ACY1: variants seen among roughly 807,000 people sequenced by gnomAD.
ACY1 encodes aminoacylase 1, also known as aminoacylase-1.
ACY1 carries 38 observed loss-of-function variants against 53.3 expected under a neutral mutation model. The ratio of observed to expected loss-of-function variants is 0.71; its 90% CI spans 0.55 to 0.93. The LOEUF (loss-of-function observed/expected upper bound fraction) is 0.93, where lower values mean the gene tolerates loss of function less well. Among genes scored for constraint, ACY1 ranks in the 40% least tolerant of loss-of-function variants. The probability of loss-of-function intolerance (pLI) is 0.00; values close to 1 mark genes in which losing one functional copy is unlikely to be tolerated. For missense variants in ACY1, 484 were observed against 540.9 expected (o/e 0.89, Z 1.04); for synonymous variants, 177 against 202.1 (o/e 0.88, Z 1.05).
intron 12 of ACY1, chr3:51,988,065 C>G (rs1701135330): frequency 3.2e-6 from 1 of 312,714 alleles, no homozygotes; most frequent in Admixed American, 4.7e-5. Context: ...AGTGTTTCAC[C>G]ATGTTGGCCA....
Position 51,984,114 on chromosome 3 carries a change from G to A in ACY1, c.50G>A (p.Arg17His), listed in dbSNP as rs1048430125. ...EEEHPSVTLF[R>H]QYLRIRTVQP... The stretch of plus-strand genomic sequence containing the variant: ...GAGCACCCATCGGTGACGCTCTTCC[G>A]CCAGTACCTGCGTATCCGCACTGTC... The change falls in exon 2 of 15, where the codon CGC becomes CAC. Residue 17 changes from arginine to histidine, a missense_variant. Coordinates refer to ENST00000636358, the MANE Select transcript of ACY1 (RefSeq NM_000666.3). 51 of 1,613,738 alleles carry A rather than the reference G, an allele frequency of 3.2e-5. No homozygotes were observed. The highest frequency in any genetic ancestry group is 8.0e-5 in the African/African-American group (6 of 74,920).
rs1297650252 is a variant in ACY1, at chr3:51,988,308, A to G, written c.922-216A>G. ...ACTTGGGCTAGGATCTGAAGGATGGACAGGAGGTAAGTAGACGGAGGGTGG... is the reference window on the plus strand; with the variant it reads ...ACTTGGGCTAGGATCTGAAGGATGGGCAGGAGGTAAGTAGACGGAGGGTGG... On this transcript the variant is annotated intron_variant, in intron 12 of 14. Transcript: ENST00000636358. 4 of 631,088 alleles carry G rather than the reference A, an allele frequency of 6.3e-6. No individual in the cohort carries two copies. The Admixed American group carries it at 6.8e-5, about 11-fold the overall frequency. 39.1% of individuals were successfully genotyped at this position (631,088 alleles called of 1,614,324 possible). A position where few individuals can be genotyped will look rare whatever the true frequency, so the allele number is the denominator to read the frequency against.
chr3:51,988,574 GGCAGCTTTTA>G lies in ACY1; in HGVS notation c.975_984del (p.Ala326GlyfsTer6). The G allele has an allele frequency of 6.2e-7, 1 of 1,614,130 alleles. No individual in the cohort carries two copies. Among genetic ancestry groups the G allele is most frequent in the Non-Finnish European group, 8.5e-7 (1 of 1,180,024 alleles). On this transcript the variant is annotated frameshift_variant, in exon 13 of 15. Transcript: ENST00000636358. LOFTEE classifies it high-confidence loss of function. The stretch of plus-strand genomic sequence containing the variant: ...CTACTGATGACTCAAACCCTTGGTG[GGCAGCTTTTA>G]GCCGGGTCTGCAAGGATATGTGAGC...
chr3:51,983,803 C>T (rs1188932683), intron 1 of ACY1, among the ~76,000 whole-genome samples: 1 of 151,860 alleles, frequency 6.6e-6, no homozygotes, highest in Non-Finnish European at 1.5e-5. Context: ...CAGCTTTCTC[C>T]TCTGTAAAGT....
chr3:51,985,752 C>T (rs111926381), intron 4 of ACY1, 100 bp from the exon 5 acceptor site: 2 of 1,065,670 alleles, frequency 1.9e-6, no homozygotes, highest in Admixed American at 4.0e-5. Context: ...ACCTGTCACT[C>T]CAACCCTATG....
intron 8 of ACY1, 131 bp downstream of exon 8, chr3:51,986,792 C>A: frequency 7.5e-7 from 1 of 1,324,920 alleles, no homozygotes; most frequent in Non-Finnish European, 1.1e-6. Context: ...CTCTACCTCC[C>A]AGCTCTTTCC....
At chr3:51,987,913 C>T (rs1701131215) in intron 12 of ACY1, 1 of 389,928 alleles carries the variant, frequency 2.6e-6, no homozygotes, top group East Asian at 5.8e-5. Flanking sequence ...ACTCCGTCAC[C>T]CAGGCTGCAG....
At chr3:51,987,477 A>T in intron 11 of ACY1, 24 bp downstream of exon 11, 4 of 1,614,114 alleles carry the variant, frequency 2.5e-6, no homozygotes, top group Non-Finnish European at 3.4e-6. Flanking sequence ...CTGGGTTTGG[A>T]GGAGGGATCC....
rs1457483230 is a variant in ACY1 at position 51,988,443 on chromosome 3, C to T, written c.922-81C>T. 4.5e-5 allele frequency: 59 copies of T among 1,317,196 alleles called. No individual in the cohort carries two copies. The South Asian group carries it at 5.6e-4, about 12-fold the overall frequency. 81.6% of individuals were successfully genotyped at this position (1,317,196 alleles called of 1,614,324 possible). ...AGTGGGGGTGGGGAGGTGTTATGTA[C>T]TAGGCACAGCCCACTCTATGGGAAA... On this transcript the variant is annotated intron_variant, in intron 12 of 14. Coordinates refer to ENST00000636358, the MANE Select transcript of ACY1 (RefSeq NM_000666.3).
Position 51,987,435 on chromosome 3 carries a change from A to C in ACY1, c.834A>C (p.Ala278=). 1 of 1,614,156 alleles carries C rather than the reference A, an allele frequency of 6.2e-7. No individual in the cohort carries two copies. Among genetic ancestry groups the C allele is most frequent in the Non-Finnish European group, 8.5e-7 (1 of 1,180,018 alleles). The change falls in exon 11 of 15, where the codon GCA becomes GCC. Residue 278 remains alanine, a synonymous_variant. Coordinates refer to ENST00000636358, the MANE Select transcript of ACY1 (RefSeq NM_000666.3). Reference sequence around the variant, plus strand: ...GCGCCAGCTTTGACTTCCGTGTGGCACCGGATGTGGACTTCAAGGTGCCAC... The same window carrying C: ...GCGCCAGCTTTGACTTCCGTGTGGCCCCGGATGTGGACTTCAAGGTGCCAC... The part of the protein sequence containing the change: ...TMSASFDFRV[A]PDVDFKAFEE...
chr3:51,987,791 C>T, intron 12 of ACY1, 167 bp downstream of exon 12: 1 of 730,042 alleles, frequency 1.4e-6, no homozygotes, highest in East Asian at 2.7e-5. Context: ...ACTGTGGGTG[C>T]TGGGGAATGC....
At chr3:51,984,381 T>C (rs1043813817) in intron 2 of ACY1, 3 of 605,218 alleles carry the variant, frequency 5.0e-6, no homozygotes, top group South Asian at 1.9e-5. Flanking sequence ...AGGTTACTCC[T>C]GGCAGCTGGT....
intron 5 of ACY1, 131 bp from the exon 6 acceptor site, chr3:51,986,124 A>G (rs1701047182): frequency 9.1e-7 from 1 of 1,100,556 alleles, no homozygotes; most frequent in South Asian, 1.3e-5. Context: ...AGGGGCAGGG[A>G]CTTTCTGGAG....
chr3:51,985,116 A>T (rs1356571989), intron 2 of ACY1, 91 bp from the exon 3 acceptor site: 18 of 1,313,732 alleles, frequency 1.4e-5, no homozygotes, highest in Non-Finnish European at 1.9e-5. Context: ...GCAGCAGCCC[A>T]TTTCTGGGTA....
chr3:51,987,392 T>G lies in ACY1; in HGVS notation c.791T>G (p.Val264Gly). The G allele has an allele frequency of 6.2e-7, 1 of 1,614,144 alleles. No homozygotes were observed. The highest frequency in any genetic ancestry group is 8.5e-7 in the Non-Finnish European group (1 of 1,180,026). ...CTAGAGGGTGGCGTGGCCTATAACG[T>G]GATACCTGCCACCATGAGCGCCAGC... ...TKLEGGVAYN[V>G]IPATMSASFD... is the part of the protein sequence containing the mutation. The change falls in exon 11 of 15, where the codon GTG becomes GGG. Residue 264 changes from valine (V) to glycine (G), a missense_variant. By Grantham distance (109) the Val-to-Gly change is moderately radical. Coordinates refer to ENST00000636358, the MANE Select transcript of ACY1 (RefSeq NM_000666.3).
At chr3:51,985,571 A>G (rs2106831568) in intron 4 of ACY1, 106 bp downstream of exon 4, 1 of 1,079,910 alleles carries the variant, frequency 9.3e-7, no homozygotes, top group Non-Finnish European at 1.4e-6. Context: ...CCCAGTCCTG[A>G]CACTAACTCT....
At chr3:51,988,213 C>G (rs1322030824) in intron 12 of ACY1, 4 of 484,006 alleles carry the variant, frequency 8.3e-6, no homozygotes, top group African/African-American at 3.9e-5. Context: ...GCCCCTTGCA[C>G]TCTGAAAACC....
In ACY1 at chr3:51,989,085, C is replaced by T. The variant is rs760224045; in HGVS notation, c.*10C>T. 1 of 1,612,940 alleles carries T rather than the reference C, an allele frequency of 6.2e-7. No homozygotes were observed. The highest frequency in any genetic ancestry group is 8.5e-7 in the Non-Finnish European group (1 of 1,180,034). Reference sequence around the variant, plus strand: ...GCCCAGTGACAGCTGAGCCCTGGAACTCCTAAACCTTTGCCCCTGGGGCTT... The same window carrying T: ...GCCCAGTGACAGCTGAGCCCTGGAATTCCTAAACCTTTGCCCCTGGGGCTT... On this transcript the variant is annotated 3_prime_UTR_variant, in exon 15 of 15. Transcript: ENST00000636358.
intron 12 of ACY1, chr3:51,988,272 G>A (rs1645942484): frequency 6.8e-6 from 4 of 589,280 alleles, no homozygotes; most frequent in Non-Finnish European, 1.2e-5. Flanking sequence ...GAGCCATCTT[G>A]AGGAAGGGGC....
Sources: allele counts gnomAD v4.1 joint callset (sites outside exome capture counted in the v4.1 genomes callset), GRCh38; gene constraint gnomAD v4.1.1; transcripts MANE v1.5; gene names NCBI Gene and HGNC (gene_info 2026-07-23, HGNC 2026-07-21).